Variants in PDGFRA observed in about 807,000 individuals in gnomAD.
The protein encoded by PDGFRA is platelet derived growth factor receptor alpha.
Under a neutral mutation model 121.5 loss-of-function variants are expected in PDGFRA, and 25 were observed. The ratio of observed to expected loss-of-function variants is 0.21; its 90% CI spans 0.15 to 0.29. The LOEUF is 0.29. Among genes scored for constraint, PDGFRA ranks in the 10% least tolerant of loss-of-function variants. The probability of loss-of-function intolerance (pLI) is 1.00; values close to 1 mark genes in which losing one functional copy is unlikely to be tolerated. For missense variants in PDGFRA, 1,008 were observed against 1,345.1 expected, an observed-to-expected ratio of 0.75 and a Z score of 3.92; for synonymous variants, 463 against 494.8, an observed-to-expected ratio of 0.94 and a Z score of 0.85.
At position 54,298,073 on chromosome 4, in the gene PDGFRA, G is replaced by A. The variant is rs905022555; in HGVS notation, c.*2801G>A. 2 of 224,600 alleles carry A rather than the reference G, an allele frequency of 8.9e-6. No homozygotes were observed. Among genetic ancestry groups the A allele is most frequent in the African/African-American group, 4.5e-5 (2 of 44,818 alleles). 13.9% of individuals were successfully genotyped at this position (224,600 alleles called of 1,614,324 possible). On this transcript the variant is annotated 3_prime_UTR_variant, in exon 23 of 23. Coordinates refer to ENST00000257290, the MANE Select transcript of PDGFRA (RefSeq NM_006206.6). ...ATTTATATTTTAGAAATAATAAAAA[G>A]AAAGATACTTACATGTTCCCAAAAC... is the stretch of plus-strand genomic sequence containing the variant.
rs529718351 is a variant in PDGFRA, at chr4:54,239,550, T to A, written c.-13+10135T>A. Among the ~76,000 whole-genome samples, 73 of 152,362 alleles carry A rather than the reference T, an allele frequency of 4.8e-4. 1 individual carries two copies. In the South Asian group the frequency reaches 0.01, roughly 22 times the overall value. On this transcript the variant is annotated intron_variant, in intron 1 of 22. Coordinates refer to ENST00000257290, the MANE Select transcript of PDGFRA (RefSeq NM_006206.6). The stretch of plus-strand genomic sequence containing the variant: ...CCTCCCGTTGACTTTAAATTAAAAC[T>A]GATTGGCACTGTTTGGGCTTCACCG...
chr4:54,243,580 T>G (rs1261317062), intron 1 of PDGFRA: 1 of 152,228 alleles, frequency 6.6e-6, no homozygotes, highest in Non-Finnish European at 1.5e-5. Flanking sequence ...AGGAGGAGGT[T>G]GGAGCCAAGA....
rs1428171468 is a variant in PDGFRA, at chr4:54,289,005, A to C, written c.2775-4A>C. ...GTGCCCACTCTTGAGTTCTGTCCCC[A>C]CAGCTACGAGATCATGGTGAAATGC... On this transcript the variant is annotated splice_region_variant and splice_polypyrimidine_tract_variant and intron_variant, in intron 20 of 22. Coordinates refer to ENST00000257290, the MANE Select transcript of PDGFRA (RefSeq NM_006206.6). 2 of 1,599,298 alleles carry C rather than the reference A, an allele frequency of 1.3e-6. No individual in the cohort carries two copies. Among genetic ancestry groups the C allele is most frequent in the South Asian group, 1.1e-5 (1 of 90,792 alleles).
intron 1 of PDGFRA, among the ~76,000 whole-genome samples, chr4:54,242,193 T>C (rs552134503): frequency 2.0e-5 from 3 of 152,314 alleles, no homozygotes; most frequent in African/African-American, 7.2e-5. Flanking sequence ...AGTTTGCTAC[T>C]TCTGGGACTT....
At chr4:54,258,951 G>A (rs747338795) in intron 2 of PDGFRA, 134 bp downstream of exon 2, 221 of 775,766 alleles carry the variant, frequency 2.8e-4, no homozygotes, top group Admixed American at 1.0e-3. Flanking sequence ...ACTATAGGAC[G>A]TTATCCAGAA....
intron 1 of PDGFRA, among the ~76,000 whole-genome samples, chr4:54,235,925 A>G (rs1242932770): frequency 1.3e-5 from 2 of 152,268 alleles, no homozygotes; most frequent in Non-Finnish European, 2.9e-5. Context: ...TGGATAGAGT[A>G]TCAGATTTGG....
At chr4:54,244,817 T>C (rs1721531670) in intron 1 of PDGFRA, among the ~76,000 whole-genome samples, 1 of 152,058 alleles carries the variant, frequency 6.6e-6, no homozygotes, top group South Asian at 2.1e-4. Flanking sequence ...TTGAAAACTT[T>C]GAAAAAACTT....
chr4:54,251,455 T>C (rs1296072253), intron 1 of PDGFRA, among the ~76,000 whole-genome samples: 1 of 152,206 alleles, frequency 6.6e-6, no homozygotes, highest in Non-Finnish European at 1.5e-5. Context: ...AATAGCAATA[T>C]AGTTATTTGC....
Position 54,297,243 on chromosome 4 carries a change from C to T in PDGFRA, c.*1971C>T, listed in dbSNP as rs886059459. The T allele has an allele frequency of 7.3e-5, 17 of 233,584 alleles. No homozygotes were observed. Among genetic ancestry groups the T allele is most frequent in the Middle Eastern group, 1.2e-3 (1 of 808 alleles). The allele number at this position is 233,584 out of a possible 1,614,324, so 14.5% of individuals were successfully genotyped here. A position where few individuals can be genotyped will look rare whatever the true frequency, so the allele number is the denominator to read the frequency against. ...TGATACCATATGAATGAAACATGGG[C>T]TGTGATTACTGCAATCACTGTGCTA... is the stretch of plus-strand genomic sequence containing the variant. On this transcript the variant is annotated 3_prime_UTR_variant, in exon 23 of 23. Transcript: ENST00000257290.
In PDGFRA at chr4:54,294,200, G is replaced by A. The variant is rs185324237; in HGVS notation, c.3123-925G>A. 2.6e-4 allele frequency among the ~76,000 whole-genome samples: 39 copies of A among 151,784 alleles called. 1 individual carries two copies. Among genetic ancestry groups the A allele is most frequent in the African/African-American group, 8.2e-4 (34 of 41,396 alleles). ...ACGTGTTTATATCTCTTGAGCATACGGTGTTCCTCCAAGTTTTGGGGGTCT... is the reference window on the plus strand; with the variant it reads ...ACGTGTTTATATCTCTTGAGCATACAGTGTTCCTCCAAGTTTTGGGGGTCT... On this transcript the variant is annotated intron_variant, in intron 22 of 22. Transcript: ENST00000257290.
chr4:54,252,640 G>C (rs891779860), intron 1 of PDGFRA, among the ~76,000 whole-genome samples: 1 of 152,206 alleles, frequency 6.6e-6, no homozygotes, highest in Non-Finnish European at 1.5e-5. Flanking sequence ...ACTTAGGAGA[G>C]CTGAAATTAA....
At chr4:54,243,928 C>T (rs1249910282) in intron 1 of PDGFRA, among the ~76,000 whole-genome samples, 2 of 152,212 alleles carry the variant, frequency 1.3e-5, no homozygotes, top group African/African-American at 2.4e-5. Flanking sequence ...GCACATGGCT[C>T]AGAGGGTCCT....
Position 54,270,659 on chromosome 4 carries a change from G to A in PDGFRA, c.1148G>A (p.Arg383His), listed in dbSNP as rs1368411882. The part of the protein sequence containing the change: ...IRYRSKLKLI[R>H]AKEEDSGHYT... ...TATCGAAGCAAATTAAAGCTGATCC[G>A]TGCTAAGGAAGAAGACAGTGGCCAT... Residue 383 changes from arginine (R) to histidine (H), a missense_variant, in exon 8 of 23, where the codon CGT becomes CAT. This residue lies in a region of PDGFRA where 575 missense variants were observed against 701.8 expected (regional missense o/e 0.82). Transcript: ENST00000257290. 6.8e-6 allele frequency: 11 copies of A among 1,610,288 alleles called. No homozygotes were observed. The highest frequency in any genetic ancestry group is 5.0e-5 in the Admixed American group (3 of 59,992).
intron 16 of PDGFRA, chr4:54,281,935 C>T (rs1724101447): frequency 8.9e-7 from 1 of 1,119,180 alleles, no homozygotes; most frequent in Non-Finnish European, 1.1e-6. Context: ...CAAAGTACTA[C>T]AAAGGTGGCT....
In PDGFRA at chr4:54,267,722, G is replaced by C. The variant is rs1357067277; in HGVS notation, c.1102G>C (p.Glu368Gln). ...TCTCACTGAGATCACCACTGATGTGGAAAAGATTCAGGAAATAAGGTAAAG... is the reference window on the plus strand; with the variant it reads ...TCTCACTGAGATCACCACTGATGTGCAAAAGATTCAGGAAATAAGGTAAAG... ...ENLTEITTDV[E>Q]KIQEIRYRSK... The change falls in exon 7 of 23, where the codon GAA (glutamate) becomes CAA (glutamine). Residue 368 changes from glutamate (E) to glutamine (Q), a missense_variant. Glu to Gln is a conservative substitution (Grantham distance 29). Around this residue, in one of 5 missense-constraint regions of PDGFRA, gnomAD observed 575 missense variants for 701.8 expected, o/e 0.82. Coordinates refer to ENST00000257290, the MANE Select transcript of PDGFRA (RefSeq NM_006206.6). 5 of 1,613,840 alleles carry C rather than the reference G, an allele frequency of 3.1e-6. No homozygotes were observed. The highest frequency in any genetic ancestry group is 4.2e-6 in the Non-Finnish European group (5 of 1,179,916).
intron 1 of PDGFRA, among the ~76,000 whole-genome samples, chr4:54,249,343 A>T (rs1344013254): frequency 6.6e-6 from 1 of 152,196 alleles, no homozygotes; most frequent in Non-Finnish European, 1.5e-5. Flanking sequence ...ACGTATGTTT[A>T]TTGCGGCACT....
intron 1 of PDGFRA, among the ~76,000 whole-genome samples, chr4:54,250,934 A>G (rs988327808): frequency 6.6e-6 from 1 of 151,944 alleles, no homozygotes; most frequent in African/African-American, 2.4e-5. Flanking sequence ...GCATGGTGGC[A>G]TGCACCTGTA....
chr4:54,246,889 C>T (rs571246858), intron 1 of PDGFRA, among the ~76,000 whole-genome samples: 5 of 151,712 alleles, frequency 3.3e-5, no homozygotes, highest in Non-Finnish European at 1.5e-5. Flanking sequence ...AAGGGGATAT[C>T]ACCACCGATC....
At position 54,261,912 on chromosome 4, in the gene PDGFRA, TA is replaced by T. The variant is rs1349787751; in HGVS notation, c.367+501del. Among the ~76,000 whole-genome samples the T allele has an allele frequency of 2.5e-4, 14 of 56,268 alleles. No individual in the cohort carries two copies. The South Asian group carries it at 4.0e-3, about 16-fold the overall frequency. 36.9% of individuals were successfully genotyped at this position (56,268 alleles called of 152,430 possible). A position where few individuals can be genotyped will look rare whatever the true frequency, so the allele number is the denominator to read the frequency against. On this transcript the variant is annotated intron_variant, in intron 3 of 22. Transcript: ENST00000257290. The stretch of plus-strand genomic sequence containing the variant: ...TAAAAAAGTTACATATATATATATA[TA>T]TATATATATATATATATATTTTTTT...
Sources: allele counts gnomAD v4.1 joint callset (sites outside exome capture counted in the v4.1 genomes callset), GRCh38; gene constraint gnomAD v4.1.1; regional missense constraint gnomAD v4.1.1; transcripts MANE v1.5; gene names NCBI Gene and HGNC (gene_info 2026-07-23, HGNC 2026-07-21).